RASSF6: variants seen among roughly 807,000 people sequenced by gnomAD.
RASSF6 encodes the protein ras association domain-containing protein 6.
RASSF6 carries 52 observed loss-of-function variants against 44.0 expected under a neutral mutation model. That is an observed-to-expected ratio of 1.18 (90% CI 0.95 to 1.49). The LOEUF (loss-of-function observed/expected upper bound fraction) is 1.49, where lower values mean the gene tolerates loss of function less well. RASSF6 is among the 40% of genes most tolerant of loss of function. The probability of loss-of-function intolerance (pLI) is 0.00; values close to 1 mark genes in which losing one functional copy is unlikely to be tolerated. For missense variants in RASSF6, 464 were observed against 393.3 expected (o/e 1.18, Z -1.52); for synonymous variants, 162 against 124.6 (o/e 1.30, Z -2.00).
chr4:73,588,968 T>TG (rs1713374304), intron 4 of RASSF6, among the ~76,000 whole-genome samples: 1 of 152,116 alleles, frequency 6.6e-6, no homozygotes, highest in Non-Finnish European at 1.5e-5. Context: ...TATTCACTTA[T>TG]AGGGAATTTA....
At chr4:73,602,510 C>T (rs1177590374) in intron 2 of RASSF6, among the ~76,000 whole-genome samples, 4 of 152,190 alleles carry the variant, frequency 2.6e-5, no homozygotes, top group Non-Finnish European at 5.9e-5. Flanking sequence ...TGGGCAGTCC[C>T]TAATCAATAA....
chr4:73,572,935 A>G lies in RASSF6; in HGVS notation c.*3300T>C, dbSNP rs1289378642. On this transcript the variant is annotated 3_prime_UTR_variant, in exon 11 of 11. Coordinates refer to ENST00000307439, the MANE Select transcript of RASSF6 (RefSeq NM_177532.5). ...TATATATGCAAATATTAGTGTTCACACACACAAATACATATATATATACAC... is the reference window on the plus strand; with the variant it reads ...TATATATGCAAATATTAGTGTTCACGCACACAAATACATATATATATACAC... 3.3e-5 allele frequency: 5 copies of G among 152,112 alleles called. No homozygotes were observed. Among genetic ancestry groups the G allele is most frequent in the Non-Finnish European group, 5.9e-5 (4 of 68,014 alleles). The allele number at this position is 152,112 out of a possible 1,614,324, so 9.4% of individuals were successfully genotyped here. A position where few individuals can be genotyped will look rare whatever the true frequency, so the allele number is the denominator to read the frequency against.
intron 2 of RASSF6, among the ~76,000 whole-genome samples, chr4:73,610,391 A>G (rs1273903203): frequency 6.6e-6 from 1 of 152,178 alleles, no homozygotes; most frequent in Non-Finnish European, 1.5e-5. Context: ...TGTTCTTAAC[A>G]CAGCAGCTAG....
intron 2 of RASSF6, 55 bp from the exon 3 acceptor site, chr4:73,598,773 G>A (rs1725100493): frequency 1.4e-6 from 1 of 725,082 alleles, no homozygotes; most frequent in Non-Finnish European, 2.2e-6. Flanking sequence ...AACGTAAAAG[G>A]TGATAATGGT....
At chr4:73,579,603 T>G (rs948586795) in intron 8 of RASSF6, among the ~76,000 whole-genome samples, 13 of 152,082 alleles carry the variant, frequency 8.5e-5, no homozygotes, top group African/African-American at 2.9e-4. Flanking sequence ...CAATTGTATT[T>G]TCATGCTTTT....
chr4:73,583,415 A>G (rs184419469), intron 6 of RASSF6, among the ~76,000 whole-genome samples: 1 of 152,286 alleles, frequency 6.6e-6, no homozygotes, highest in Admixed American at 6.5e-5. Flanking sequence ...TGATAGAAAT[A>G]TACTACTGGT....
intron 3 of RASSF6, among the ~76,000 whole-genome samples, chr4:73,597,424 T>C (rs887001374): frequency 2.6e-5 from 4 of 152,154 alleles, no homozygotes; most frequent in Admixed American, 6.5e-5. Flanking sequence ...CACAATGAGA[T>C]ACCATCTCAC....
chr4:73,596,240 C>G (rs1433009195), intron 3 of RASSF6, among the ~76,000 whole-genome samples: 1 of 151,810 alleles, frequency 6.6e-6, no homozygotes, highest in Non-Finnish European at 1.5e-5. Context: ...GAGAAAACCC[C>G]ATCGTTCCAG....
At chr4:73,613,328 G>A (rs917177722) in intron 1 of RASSF6, among the ~76,000 whole-genome samples, 8 of 152,044 alleles carry the variant, frequency 5.3e-5, no homozygotes, top group African/African-American at 1.7e-4. Context: ...TGCTGCCTTG[G>A]GCACACAGAC....
At chr4:73,596,940 A>T (rs1409091537) in intron 3 of RASSF6, among the ~76,000 whole-genome samples, 1 of 152,234 alleles carries the variant, frequency 6.6e-6, no homozygotes, top group Non-Finnish European at 1.5e-5. Context: ...CTGAAACTGG[A>T]TCCCTTCTTT....
In RASSF6 at chr4:73,576,726, T is replaced by G; in HGVS notation, c.727A>C (p.Arg243=). ...GGAATGTCTGTCTTCTTTAGTCGTC[T>G]TTGTTCTGCAGTGAAAACAAGAATC... is the stretch of plus-strand genomic sequence containing the variant. ...LHIIFATGEQ[R]RLKKTDIPLL... The change falls in exon 9 of 11, where the codon AGA becomes CGA. Residue 243 remains arginine, a synonymous_variant. Transcript: ENST00000307439. 1 of 1,592,736 alleles carries G rather than the reference T, an allele frequency of 6.3e-7. No individual in the cohort carries two copies.
chr4:73,617,793 A>C (rs546283024), intron 1 of RASSF6, among the ~76,000 whole-genome samples: 28 of 152,370 alleles, frequency 1.8e-4, no homozygotes, highest in Non-Finnish European at 3.2e-4. Flanking sequence ...TTTTTGCAAC[A>C]GAATAACTCT....
At chr4:73,598,857 T>A (rs1174192272) in intron 2 of RASSF6, 139 bp from the exon 3 acceptor site, 1 of 476,208 alleles carries the variant, frequency 2.1e-6, no homozygotes, top group African/African-American at 2.0e-5. Context: ...TAACTTAACA[T>A]AAGTCATTGG....
intron 8 of RASSF6, among the ~76,000 whole-genome samples, chr4:73,579,404 C>A (rs1723458865): frequency 6.6e-6 from 1 of 152,226 alleles, no homozygotes; most frequent in Middle Eastern, 3.4e-3. Context: ...ACTAGTGTTG[C>A]ATAAAAATAT....
intron 1 of RASSF6, among the ~76,000 whole-genome samples, chr4:73,613,910 C>T (rs770381215): frequency 3.3e-5 from 5 of 152,100 alleles, no homozygotes; most frequent in South Asian, 2.1e-4. Context: ...TCCAGGTAAT[C>T]GAATCTGTCT....
At chr4:73,603,771 G>A (rs1725438261) in intron 2 of RASSF6, among the ~76,000 whole-genome samples, 1 of 152,162 alleles carries the variant, frequency 6.6e-6, no homozygotes, top group South Asian at 2.1e-4. Context: ...CATGAATGTG[G>A]GATAGGATTA....
At chr4:73,605,474 T>C (rs1321170775) in intron 2 of RASSF6, among the ~76,000 whole-genome samples, 1 of 152,190 alleles carries the variant, frequency 6.6e-6, no homozygotes, top group African/African-American at 2.4e-5. Context: ...TCCTCTTTCA[T>C]AAACAGCCAT....
At chr4:73,605,535 A>G (rs1048520238) in intron 2 of RASSF6, among the ~76,000 whole-genome samples, 2 of 152,272 alleles carry the variant, frequency 1.3e-5, no homozygotes, top group African/African-American at 2.4e-5. Context: ...TGATGAAGAA[A>G]GAATGCTTTT....
intron 3 of RASSF6, among the ~76,000 whole-genome samples, chr4:73,595,707 G>A (rs61036949): frequency 0.015 from 2,007 of 136,880 alleles, 31 homozygotes; most frequent in South Asian, 0.05. Flanking sequence ...TTTTATAATT[G>A]TATATATTAA....
Sources: gnomAD v4.1 joint callset for allele counts (sites outside exome capture counted in the v4.1 genomes callset) on GRCh38, gnomAD v4.1.1 for gene constraint, MANE v1.5 for transcripts, NCBI Gene and HGNC (gene_info 2026-07-23, HGNC 2026-07-21) for gene names.